Variants in UQCRC1 observed in about 807,000 individuals in gnomAD.
UQCRC1 encodes the protein cytochrome b-c1 complex subunit 1, mitochondrial.
In UQCRC1, 34 loss-of-function variants were observed where a neutral mutation model predicts 58.0. The observed-to-expected ratio is 0.59, with a 90% confidence interval of 0.45 to 0.78. The LOEUF is 0.78. Ranked by LOEUF, UQCRC1 falls within the 30% of genes least tolerant of loss-of-function variation. The pLI, the probability that UQCRC1 is intolerant of heterozygous loss-of-function variation, is 0.00. For missense variants in UQCRC1, 610 were observed against 646.0 expected (o/e 0.94, Z 0.60); for synonymous variants, 276 against 248.8 (o/e 1.11, Z -1.03).
Position 48,601,388 on chromosome 3 carries a change from C to T in UQCRC1, c.786G>A (p.Val262=). 6.2e-7 allele frequency: 1 copy of T among 1,614,182 alleles called. No homozygotes were observed. The highest frequency in any genetic ancestry group is 1.3e-5 in the African/African-American group (1 of 75,050). Residue 262 remains valine, a synonymous_variant, in exon 7 of 13, where the codon GTG becomes GTA. Transcript: ENST00000203407. ...GIPWTYAEDA[V]PTLTPCRFTG... ...TGAAGCGGCATGGAGTAAGAGTGGG[C>T]ACAGCGTCCTCTGCATATGTCCATG...
intron 2 of UQCRC1, 61 bp downstream of exon 2, chr3:48,609,101 C>G (rs150845346): frequency 3.2e-6 from 5 of 1,557,680 alleles, no homozygotes; most frequent in East Asian, 4.6e-5. Context: ...CACACCCCAA[C>G]CAGGGAAAAG....
chr3:48,600,103 C>T lies in UQCRC1; in HGVS notation c.1262G>A (p.Gly421Asp). The change falls in exon 11 of 13, where the codon GGC (glycine) becomes GAC (aspartate). Residue 421 changes from glycine (G) to aspartate (D), a missense_variant. Physicochemically the swap from Gly to Asp is moderately conservative, Grantham distance 94 (BLOSUM62 -1). Coordinates refer to ENST00000203407, the MANE Select transcript of UQCRC1 (RefSeq NM_003365.3). ...CCATTCAGCCAGGGGGATGCGGCGG[C>T]CATAGGTCAGGAGGCTGCGTCCGAT... ...EDIGRSLLTY[G>D]RRIPLAEWES... 1.9e-6 allele frequency: 3 copies of T among 1,614,168 alleles called. No individual in the cohort carries two copies. The highest frequency in any genetic ancestry group is 2.5e-6 in the Non-Finnish European group (3 of 1,180,026).
rs768270803 is a variant in UQCRC1 at position 48,604,443 on chromosome 3, G to A, written c.428-12C>T. On this transcript the variant is annotated splice_polypyrimidine_tract_variant and intron_variant, in intron 4 of 12. Coordinates refer to ENST00000203407, the MANE Select transcript of UQCRC1 (RefSeq NM_003365.3). ...CAGGAGCTCCACAGCTAGATGCAAG[G>A]AGGACATGTTTAGGTGCCAGGTGGA... 25 of 1,613,030 alleles carry A rather than the reference G, an allele frequency of 1.5e-5. No individual in the cohort carries two copies. The highest frequency in any genetic ancestry group is 6.7e-5 in the Admixed American group (4 of 59,988).
At chr3:48,599,371 T>A in intron 12 of UQCRC1, 179 bp from the exon 13 acceptor site, 1 of 775,760 alleles carries the variant, frequency 1.3e-6, no homozygotes, top group Non-Finnish European at 2.0e-6. Flanking sequence ...GTTCTGGCCC[T>A]TGAAGCCCCA....
rs1326872927 is a variant in UQCRC1, at chr3:48,604,752, A to T, written c.326T>A (p.Leu109Gln). ...CCCCATGCTCTCCACCTCCTTCTCC[A>T]GGGCACTGCCAGGCCGATTCTTTGT... The part of the protein sequence containing the change: ...KGTKNRPGSA[L>Q]EKEVESMGAH... Residue 109 changes from leucine to glutamine, a missense_variant, in exon 4 of 13, where the codon CTG becomes CAG. Physicochemically the swap from Leu to Gln is moderately radical, Grantham distance 113. Transcript: ENST00000203407. The T allele has an allele frequency of 1.9e-6, 3 of 1,614,088 alleles. No homozygotes were observed. Among genetic ancestry groups the T allele is most frequent in the Non-Finnish European group, 2.5e-6 (3 of 1,179,984 alleles).
chr3:48,605,911 C>T (rs2046406828), intron 2 of UQCRC1, 55 bp from the exon 3 acceptor site: 1 of 1,559,870 alleles, frequency 6.4e-7, no homozygotes, highest in East Asian at 2.3e-5. Flanking sequence ...CAGCCCCCTA[C>T]TCACACCCCA....
intron 4 of UQCRC1, 92 bp downstream of exon 4, chr3:48,604,559 G>C (rs2046395083): frequency 1.3e-6 from 2 of 1,597,656 alleles, no homozygotes. Flanking sequence ...CATACGCTAA[G>C]GGTAATATGA....
At position 48,600,105 on chromosome 3, in the gene UQCRC1, A is replaced by G. The variant is rs1245180600; in HGVS notation, c.1260T>C (p.Tyr420=). 1 of 1,614,026 alleles carries G rather than the reference A, an allele frequency of 6.2e-7. No homozygotes were observed. Among genetic ancestry groups the G allele is most frequent in the African/African-American group, 1.3e-5 (1 of 74,928 alleles). Residue 420 remains tyrosine, a synonymous_variant, in exon 11 of 13, where the codon TAT becomes TAC. Transcript: ENST00000203407. ...ATTCAGCCAGGGGGATGCGGCGGCC[A>G]TAGGTCAGGAGGCTGCGTCCGATGT... ...CEDIGRSLLT[Y]GRRIPLAEWE... is the part of the protein sequence containing the mutation.
Position 48,603,579 on chromosome 3 carries a change from G to C in UQCRC1, c.691C>G (p.Leu231Val). 1 of 1,613,850 alleles carries C rather than the reference G, an allele frequency of 6.2e-7. No individual in the cohort carries two copies. Among genetic ancestry groups the C allele is most frequent in the South Asian group, 1.1e-5 (1 of 91,030 alleles). ...CATCACTCACCTCCAGCTGCTGCCAGCACCATTCGAGGGGCCTTGTAATGT... is the reference window on the plus strand; with the variant it reads ...CATCACTCACCTCCAGCTGCTGCCACCACCATTCGAGGGGCCTTGTAATGT... The part of the protein sequence containing the change: ...STHYKAPRMV[L>V]AAAGGVEHQQ... Residue 231 changes from leucine (L) to valine (V), a missense_variant, in exon 6 of 13, where the codon CTG (leucine) becomes GTG (valine). Coordinates refer to ENST00000203407, the MANE Select transcript of UQCRC1 (RefSeq NM_003365.3).
intron 2 of UQCRC1, among the ~76,000 whole-genome samples, chr3:48,608,501 C>A (rs1390189293): frequency 2.0e-5 from 3 of 152,210 alleles, no homozygotes; most frequent in Admixed American, 6.5e-5. Context: ...AAGGAAGTTG[C>A]AGGCCACCTT....
rs145787809 is a variant in UQCRC1, at chr3:48,601,104, A to T, written c.837T>A (p.Asp279Glu). Reference sequence around the variant, plus strand: ...CCACGTGGGCAAAAGGTAGAGCATCATCACGGTGGCGGATCTGAAACAGTA... The same window carrying T: ...CCACGTGGGCAAAAGGTAGAGCATCTTCACGGTGGCGGATCTGAAACAGTA... ...RFTGSEIRHRDDALPFAHVAI... is the reference protein window; with the variant it reads ...RFTGSEIRHREDALPFAHVAI... Residue 279 changes from aspartate to glutamate, a missense_variant, in exon 8 of 13, where the codon GAT becomes GAA. Physicochemically the swap from Asp to Glu is conservative, Grantham distance 45. Coordinates refer to ENST00000203407, the MANE Select transcript of UQCRC1 (RefSeq NM_003365.3). 6.2e-7 allele frequency: 1 copy of T among 1,601,932 alleles called. No individual in the cohort carries two copies. Among genetic ancestry groups the T allele is most frequent in the African/African-American group, 1.3e-5 (1 of 74,672 alleles).
At chr3:48,599,267 G>C in intron 12 of UQCRC1, 75 bp from the exon 13 acceptor site, 2 of 1,446,310 alleles carry the variant, frequency 1.4e-6, no homozygotes, top group Non-Finnish European at 1.9e-6. Flanking sequence ...GCCGCACCCA[G>C]CTCGGAGATG....
At chr3:48,607,566 T>C (rs959795824) in intron 2 of UQCRC1, among the ~76,000 whole-genome samples, 5 of 151,786 alleles carry the variant, frequency 3.3e-5, no homozygotes, top group Middle Eastern at 6.3e-3. Flanking sequence ...TTTCTTTTTT[T>C]TTTTTTTTAA....
chr3:48,606,289 A>C (rs2046410657), intron 2 of UQCRC1, among the ~76,000 whole-genome samples: 1 of 152,246 alleles, frequency 6.6e-6, no homozygotes, highest in Middle Eastern at 3.2e-3. Flanking sequence ...TTTCATCATT[A>C]AGGAAGGGAC....
At chr3:48,604,874 C>T (rs1338613015) in intron 3 of UQCRC1, 94 bp from the exon 4 acceptor site, 3 of 1,534,644 alleles carry the variant, frequency 2.0e-6, no homozygotes, top group Non-Finnish European at 2.7e-6. Context: ...ACCACTGGTC[C>T]ACAGGTACCT....
intron 7 of UQCRC1, 57 bp from the exon 8 acceptor site, chr3:48,601,175 G>C: frequency 3.2e-6 from 5 of 1,567,072 alleles, no homozygotes; most frequent in Non-Finnish European, 8.7e-7. Flanking sequence ...GAACAGAAAA[G>C]GTGGCAGGTG....
intron 5 of UQCRC1, chr3:48,603,894 G>A (rs1046099283): frequency 6.8e-6 from 4 of 587,422 alleles, no homozygotes; most frequent in South Asian, 4.0e-5. Flanking sequence ...GAGAAGGCGT[G>A]AGCCAACACT....
intron 8 of UQCRC1, 47 bp from the exon 9 acceptor site, chr3:48,600,887 C>T (rs369530651): frequency 2.4e-5 from 39 of 1,612,506 alleles, no homozygotes; most frequent in Non-Finnish European, 3.2e-5. Context: ...GTCTTCAACG[C>T]ACACTGTGAC....
chr3:48,609,116 C>T (rs2046439244), intron 2 of UQCRC1, 46 bp downstream of exon 2: 1 of 1,567,552 alleles, frequency 6.4e-7, no homozygotes, highest in Non-Finnish European at 8.7e-7. Flanking sequence ...GAAAAGACGG[C>T]AGGCCCAACC....
Sources: gnomAD v4.1 joint callset for allele counts (sites outside exome capture counted in the v4.1 genomes callset) on GRCh38, gnomAD v4.1.1 for gene constraint, MANE v1.5 for transcripts, NCBI Gene and HGNC (gene_info 2026-07-23, HGNC 2026-07-21) for gene names.